ELF2: variants seen among roughly 807,000 people sequenced by gnomAD.
The protein encoded by ELF2 is E74 like ETS transcription factor 2.
In ELF2, 11 loss-of-function variants were observed where a neutral mutation model predicts 54.8. That is an observed-to-expected ratio of 0.20 (90% CI 0.13 to 0.33). ELF2 has a LOEUF of 0.33. Among genes scored for constraint, ELF2 ranks in the 10% least tolerant of loss-of-function variants. The probability of loss-of-function intolerance (pLI) is 1.00; values close to 1 mark genes in which losing one functional copy is unlikely to be tolerated. For synonymous variants in ELF2, 203 were observed against 245.1 expected (o/e 0.83, Z 1.61); for missense variants, 513 against 703.0 (o/e 0.73, Z 3.06).
chr4:139,130,042 G>T (rs1214136712), intron 3 of ELF2, among the ~76,000 whole-genome samples: 1 of 151,958 alleles, frequency 6.6e-6, no homozygotes, highest in African/African-American at 2.4e-5. Flanking sequence ...TAATTAAGAT[G>T]AGCCCTCACC....
chr4:139,130,510 C>A (rs13113053), intron 3 of ELF2, among the ~76,000 whole-genome samples: 2 of 152,062 alleles, frequency 1.3e-5, no homozygotes, highest in African/African-American at 4.8e-5. Context: ...TTTTCATCTA[C>A]TGAAGGCTTT....
At chr4:139,091,645 G>C (rs551602060) in intron 4 of ELF2, among the ~76,000 whole-genome samples, 1 of 151,978 alleles carries the variant, frequency 6.6e-6, no homozygotes, top group African/African-American at 2.4e-5. Flanking sequence ...CATTGCACCC[G>C]GCTATTTTTT....
At chr4:139,128,691 T>C (rs1206785244) in intron 3 of ELF2, among the ~76,000 whole-genome samples, 3 of 150,186 alleles carry the variant, frequency 2.0e-5, no homozygotes, top group Non-Finnish European at 3.0e-5. Flanking sequence ...CCAGCTAATT[T>C]GTGTATTTTT....
chr4:139,119,002 AAG>A (rs1736042466), intron 4 of ELF2, among the ~76,000 whole-genome samples: 2 of 152,234 alleles, frequency 1.3e-5, no homozygotes, highest in Non-Finnish European at 2.9e-5. Flanking sequence ...TTTCCTACTA[AAG>A]AGAGCTACTT....
intron 1 of ELF2, among the ~76,000 whole-genome samples, chr4:139,151,032 A>AAAGAAAGAAAGAAAGAAAG (rs1553971301): frequency 7.8e-5 from 8 of 102,510 alleles, no homozygotes; most frequent in African/African-American, 3.0e-4. Flanking sequence ...TCAAAAAAAA[A>AAAGAAAGAAAGAAAGAAAG]AAAGAAAGAA....
At position 139,125,157 on chromosome 4, in the gene ELF2, T is replaced by C; in HGVS notation, c.238+7A>G. On this transcript the variant is annotated splice_region_variant and intron_variant, in intron 4 of 9. Coordinates refer to ENST00000686138, the MANE Select transcript of ELF2 (RefSeq NM_001331036.3). ...TATAAATAATGAACATTTTATGAGA[T>C]GTCTACCTGTTTCCACATTCTCGGT... 3 of 1,599,628 alleles carry C rather than the reference T, an allele frequency of 1.9e-6. No homozygotes were observed. The highest frequency in any genetic ancestry group is 2.6e-6 in the Non-Finnish European group (3 of 1,175,296).
intron 1 of ELF2, among the ~76,000 whole-genome samples, chr4:139,174,297 A>C (rs1742679645): frequency 6.6e-6 from 1 of 152,260 alleles, no homozygotes; most frequent in African/African-American, 2.4e-5. Flanking sequence ...TATACTTTGA[A>C]AGCATTATGC....
chr4:139,153,068 T>C (rs1560873967), intron 1 of ELF2, among the ~76,000 whole-genome samples: 1 of 151,956 alleles, frequency 6.6e-6, no homozygotes. Context: ...CCCTGTAAAA[T>C]AGGCATAATT....
chr4:139,138,215 G>A (rs1235945160), intron 2 of ELF2, among the ~76,000 whole-genome samples: 2 of 152,030 alleles, frequency 1.3e-5, no homozygotes, highest in Non-Finnish European at 2.9e-5. Context: ...TCAAGAGATC[G>A]AGACCACCCT....
chr4:139,075,348 G>A (rs1730153111), intron 4 of ELF2, among the ~76,000 whole-genome samples: 1 of 152,176 alleles, frequency 6.6e-6, no homozygotes, highest in Non-Finnish European at 1.5e-5. Flanking sequence ...TAAACTTCTT[G>A]AGGTCTGGGG....
intron 4 of ELF2, among the ~76,000 whole-genome samples, chr4:139,097,215 G>A (rs769980808): frequency 1.3e-5 from 2 of 152,156 alleles, no homozygotes; most frequent in Non-Finnish European, 2.9e-5. Flanking sequence ...AGGCTGGAGA[G>A]TACAGTGGCA....
intron 4 of ELF2, among the ~76,000 whole-genome samples, chr4:139,085,807 G>A (rs866612971): frequency 1.3e-5 from 2 of 152,280 alleles, no homozygotes; most frequent in Middle Eastern, 6.8e-3. Context: ...ATTGTGGTGG[G>A]CCTGTGCACC....
intron 4 of ELF2, among the ~76,000 whole-genome samples, chr4:139,098,768 G>A (rs1182179452): frequency 1.3e-5 from 2 of 152,070 alleles, no homozygotes; most frequent in Non-Finnish European, 2.9e-5. Flanking sequence ...GTGCCCGGCC[G>A]ATATTTTTAA....
At chr4:139,158,070 A>G (rs897863927) in intron 1 of ELF2, among the ~76,000 whole-genome samples, 2 of 152,174 alleles carry the variant, frequency 1.3e-5, no homozygotes, top group African/African-American at 2.4e-5. Flanking sequence ...GTCCGAAGAA[A>G]GAGTCAGAGA....
At chr4:139,093,753 A>G (rs1732928064) in intron 4 of ELF2, among the ~76,000 whole-genome samples, 1 of 152,202 alleles carries the variant, frequency 6.6e-6, no homozygotes, top group African/African-American at 2.4e-5. Flanking sequence ...GGTATACATT[A>G]TATACTAAAG....
At position 139,151,031 on chromosome 4, in the gene ELF2, AAAAAGAAAGAAAGAAAGAAAGAAAG is replaced by A. The variant is rs1457742218; in HGVS notation, c.-251-11559_-251-11535del. Among the ~76,000 whole-genome samples the A allele has an allele frequency of 3.0e-4, 35 of 118,338 alleles. 1 individual carries two copies. The highest frequency in any genetic ancestry group is 3.5e-4 in the Non-Finnish European group (20 of 56,362). The allele number at this position is 118,338 out of a possible 152,430, so 77.6% of individuals were successfully genotyped here. ...GGAACGAGGCTCCATCTCAAAAAAAAAAAAGAAAGAAAGAAAGAAAGAAAGAAAGAAAGAAAGAAAGAAAGAAAGA... is the reference window on the plus strand; with the variant it reads ...GGAACGAGGCTCCATCTCAAAAAAAAAAAGAAAGAAAGAAAGAAAGAAAGA... On this transcript the variant is annotated intron_variant, in intron 1 of 9. Transcript: ENST00000686138.
At chr4:139,167,458 G>C (rs1473436379) in intron 1 of ELF2, among the ~76,000 whole-genome samples, 3 of 152,058 alleles carry the variant, frequency 2.0e-5, no homozygotes, top group African/African-American at 7.2e-5. Flanking sequence ...TAAATAATCA[G>C]ACAAAAAACT....
chr4:139,122,974 A>C (rs950300802), intron 4 of ELF2, among the ~76,000 whole-genome samples: 15 of 151,910 alleles, frequency 9.9e-5, no homozygotes, highest in African/African-American at 3.6e-4. Context: ...CACGAAGTCA[A>C]GAAATCGAGA....
intron 4 of ELF2, among the ~76,000 whole-genome samples, chr4:139,111,095 G>T (rs1734904641): frequency 6.6e-6 from 1 of 152,002 alleles, no homozygotes; most frequent in Non-Finnish European, 1.5e-5. Flanking sequence ...AAAGCCCTTT[G>T]ATATATATTT....
Sources: allele counts gnomAD v4.1 joint callset (sites outside exome capture counted in the v4.1 genomes callset), GRCh38; gene constraint gnomAD v4.1.1; transcripts MANE v1.5; gene names NCBI Gene and HGNC (gene_info 2026-07-23, HGNC 2026-07-21).